The following LAMA4 variants were observed in gnomAD, a reference collection of about 807,000 sequenced individuals.
LAMA4 encodes laminin subunit alpha 4, also known as laminin subunit alpha-4.
Under a neutral mutation model 207.1 loss-of-function variants are expected in LAMA4, and 127 were observed. That is an observed-to-expected ratio of 0.61 (90% CI 0.53 to 0.71). LAMA4 has a LOEUF of 0.71. Among genes scored for constraint, LAMA4 ranks in the 30% least tolerant of loss-of-function variants. LAMA4 has a pLI of 0.00. For missense variants in LAMA4, 2,093 were observed against 2,246.5 expected (o/e 0.93, Z 1.38); for synonymous variants, 761 against 816.0 (o/e 0.93, Z 1.15).
chr6:112,199,351 T>C (rs2237241), intron 5 of LAMA4, among the ~76,000 whole-genome samples: 91,131 of 151,966 alleles, frequency 0.6, 29,107 homozygotes, highest in African/African-American at 0.83. Flanking sequence ...TGGGGGCCAT[T>C]GAACACCCAT....
intron 16 of LAMA4, among the ~76,000 whole-genome samples, chr6:112,151,502 T>C (rs967021610): frequency 2.6e-5 from 4 of 152,160 alleles, no homozygotes; most frequent in Non-Finnish European, 4.4e-5. Flanking sequence ...AATCTTCTAC[T>C]CAATGAATAT....
rs1275163494 is a variant in LAMA4, at chr6:112,133,626, GGC to G, written c.3558-141_3558-140del. The G allele has an allele frequency of 2.8e-6, 3 of 1,079,126 alleles. No individual in the cohort carries two copies. In the African/African-American group the frequency reaches 4.7e-5, roughly 17 times the overall value. The allele number at this position is 1,079,126 out of a possible 1,614,324, so 66.8% of individuals were successfully genotyped here. On this transcript the variant is annotated intron_variant, in intron 26 of 38. Coordinates refer to ENST00000230538, the MANE Select transcript of LAMA4 (RefSeq NM_001105206.3). ...TCATATTCTCATGCTTTCTTTGATA[GGC>G]ACACAGCAATGTCTAATCTTTGCCT...
intron 31 of LAMA4, among the ~76,000 whole-genome samples, chr6:112,123,157 A>T (rs1469303637): frequency 2.0e-5 from 3 of 152,130 alleles, no homozygotes; most frequent in African/African-American, 7.2e-5. Context: ...GCAGGGAGGG[A>T]GTGGCCTGCT....
At chr6:112,221,102 C>G (rs7756767) in intron 2 of LAMA4, among the ~76,000 whole-genome samples, 1 of 152,102 alleles carries the variant, frequency 6.6e-6, no homozygotes, top group African/African-American at 2.4e-5. Context: ...AATGGCAAAA[C>G]TTGATGGGAT....
chr6:112,210,553 C>G (rs1420852693), intron 3 of LAMA4, among the ~76,000 whole-genome samples: 4 of 152,100 alleles, frequency 2.6e-5, no homozygotes, highest in African/African-American at 9.7e-5. Flanking sequence ...GAAGAAGGCT[C>G]AAAAGAATCT....
chr6:112,128,871 G>A, intron 31 of LAMA4, 51 bp downstream of exon 31: 1 of 1,512,088 alleles, frequency 6.6e-7, no homozygotes, highest in Non-Finnish European at 9.2e-7. Context: ...CTAGAACTGT[G>A]TGCATGGAAA....
chr6:112,183,218 T>C (rs1782469719), intron 9 of LAMA4, among the ~76,000 whole-genome samples: 1 of 152,254 alleles, frequency 6.6e-6, no homozygotes, highest in Non-Finnish European at 1.5e-5. Context: ...GAAGGCTTTC[T>C]AAGACACAGC....
At chr6:112,213,446 G>A (rs1784457988) in intron 3 of LAMA4, 1 of 152,086 alleles carries the variant, frequency 6.6e-6, no homozygotes, top group African/African-American at 2.4e-5. Context: ...CCTGCCTTTG[G>A]GGCCCCACCG....
At chr6:112,239,906 A>G (rs1398538073) in intron 2 of LAMA4, among the ~76,000 whole-genome samples, 1 of 152,100 alleles carries the variant, frequency 6.6e-6, no homozygotes, top group Non-Finnish European at 1.5e-5. Context: ...TACTAAAAAC[A>G]CAAAAAAATT....
chr6:112,158,768 G>T lies in LAMA4; in HGVS notation c.1781C>A (p.Ala594Glu). The T allele has an allele frequency of 6.2e-7, 1 of 1,613,726 alleles. No individual in the cohort carries two copies. Among genetic ancestry groups the T allele is most frequent in the South Asian group, 1.1e-5 (1 of 91,076 alleles). ...ATTAGCTTCTTGTTGAAGGTCCTGT[G>T]CATGGTCAATAGCTTCTTGGACTAA... is the stretch of plus-strand genomic sequence containing the variant. The part of the protein sequence containing the change: ...HDLVQEAIDH[A>E]QDLQQEANEL... The change falls in exon 14 of 39, where the codon GCA (alanine) becomes GAA (glutamate). Residue 594 changes from alanine to glutamate, a missense_variant. Ala to Glu is a moderately radical substitution (Grantham distance 107). Transcript: ENST00000230538.
chr6:112,133,306 A>G, intron 27 of LAMA4, 43 bp downstream of exon 27: 1 of 1,606,072 alleles, frequency 6.2e-7, no homozygotes, highest in Non-Finnish European at 8.5e-7. Flanking sequence ...GAGAGTGATA[A>G]GTATTGTGTC....
Position 112,129,025 on chromosome 6 carries a change from A to T in LAMA4, c.4184T>A (p.Val1395Asp), listed in dbSNP as rs1289643811. Residue 1395 changes from valine to aspartate, a missense_variant, in exon 31 of 39, where the codon GTC (valine) becomes GAC (aspartate). Val to Asp is a radical substitution (Grantham distance 152). Around this residue, in one of 3 missense-constraint regions of LAMA4, gnomAD observed 1,704 missense variants for 1,788.4 expected, o/e 0.95. Transcript: ENST00000230538. ...VEDFQRYTEKVHTSLYECPIE... is the reference protein window; with the variant it reads ...VEDFQRYTEKDHTSLYECPIE... Reference sequence around the variant, plus strand: ...GGGACACTCATAAAGAGAAGTGTGGACCTTTTCAGTATACCGTTGGAAATC... The same window carrying T: ...GGGACACTCATAAAGAGAAGTGTGGTCCTTTTCAGTATACCGTTGGAAATC... The T allele has an allele frequency of 6.2e-7, 1 of 1,612,948 alleles. No homozygotes were observed. The highest frequency in any genetic ancestry group is 8.5e-7 in the Non-Finnish European group (1 of 1,179,140).
chr6:112,175,744 G>A (rs1050235127), intron 10 of LAMA4, among the ~76,000 whole-genome samples: 12 of 152,204 alleles, frequency 7.9e-5, no homozygotes, highest in Admixed American at 6.5e-5. Flanking sequence ...ACTGGCTAAT[G>A]CAAAGCCTGC....
rs587727945 is a variant in LAMA4, at chr6:112,120,119, T to A, written c.4665+164A>T. Among the ~76,000 whole-genome samples the A allele has an allele frequency of 4.8e-4, 73 of 152,340 alleles. 2 individuals are homozygous for A. Among genetic ancestry groups the A allele is most frequent in the African/African-American group, 1.7e-3 (72 of 41,578 alleles). On this transcript the variant is annotated intron_variant, in intron 33 of 38. Coordinates refer to ENST00000230538, the MANE Select transcript of LAMA4 (RefSeq NM_001105206.3). ...CTGTGTCTCTTTTTAAATAGTATGC[T>A]TCAAGACTTTTATAAGGAATACAAT... is the stretch of plus-strand genomic sequence containing the variant.
intron 31 of LAMA4, among the ~76,000 whole-genome samples, chr6:112,125,492 G>A (rs1303697258): frequency 6.6e-6 from 1 of 152,174 alleles, no homozygotes; most frequent in Non-Finnish European, 1.5e-5. Context: ...ACCTTAGCAT[G>A]ATGTCTGTTA....
Position 112,191,767 on chromosome 6 carries a change from T to G in LAMA4, c.587A>C (p.Asn196Thr). Reference sequence around the variant, plus strand: ...TTCATCACAATCTTCAAAGATCAGGTTGGGATCTGAATTTCCACTGCAGTC... The same window carrying G: ...TTCATCACAATCTTCAAAGATCAGGGTGGGATCTGAATTTCCACTGCAGTC... The part of the protein sequence containing the change: ...KCDCSGNSDP[N>T]LIFEDCDEVT... The change falls in exon 6 of 39, where the codon AAC becomes ACC. Residue 196 changes from asparagine to threonine, a missense_variant. Coordinates refer to ENST00000230538, the MANE Select transcript of LAMA4 (RefSeq NM_001105206.3). The G allele has an allele frequency of 6.2e-7, 1 of 1,614,108 alleles. No individual in the cohort carries two copies. The highest frequency in any genetic ancestry group is 8.5e-7 in the Non-Finnish European group (1 of 1,179,942).
Position 112,190,901 on chromosome 6 carries a change from TTC to T in LAMA4, c.718+733_718+734del, listed in dbSNP as rs1284300286. Among the ~76,000 whole-genome samples the T allele has an allele frequency of 7.1e-5, 6 of 85,016 alleles. No homozygotes were observed. In the East Asian group the frequency reaches 1.2e-3, roughly 16 times the overall value. The allele number at this position is 85,016 out of a possible 152,430, so 55.8% of individuals were successfully genotyped here. On this transcript the variant is annotated intron_variant, in intron 6 of 38. Coordinates refer to ENST00000230538, the MANE Select transcript of LAMA4 (RefSeq NM_001105206.3). ...TTTCTTTCTTTCTTTCTTTCTTTCTTTCTTTCTTTCTTTCTTTCTTTCTTTCT... is the reference window on the plus strand; with the variant it reads ...TTTCTTTCTTTCTTTCTTTCTTTCTTTTTCTTTCTTTCTTTCTTTCTTTCT...
chr6:112,119,409 G>GAAA (rs1778216622), intron 33 of LAMA4, 98 bp from the exon 34 acceptor site: 2 of 1,295,424 alleles, frequency 1.5e-6, no homozygotes, highest in Non-Finnish European at 2.2e-6. Flanking sequence ...TTGCAATGCT[G>GAAA]TGGGAAATCT....
At chr6:112,202,347 A>G (rs781843621) in intron 4 of LAMA4, among the ~76,000 whole-genome samples, 2 of 152,192 alleles carry the variant, frequency 1.3e-5, no homozygotes, top group African/African-American at 2.4e-5. Flanking sequence ...AGTGGAATAC[A>G]TAAGTCTCCT....
Sources: allele counts gnomAD v4.1 joint callset (sites outside exome capture counted in the v4.1 genomes callset), GRCh38; gene constraint gnomAD v4.1.1; regional missense constraint gnomAD v4.1.1; transcripts MANE v1.5; gene names NCBI Gene and HGNC (gene_info 2026-07-23, HGNC 2026-07-21).